Variants in ZNF790 observed in about 807,000 individuals in gnomAD.
ZNF790 encodes zinc finger protein 790.
In ZNF790, 8 loss-of-function variants were observed where a neutral mutation model predicts 12.1. That is an observed-to-expected ratio of 0.66 (90% confidence interval 0.39 to 1.19). ZNF790 has a LOEUF of 1.19. ZNF790 is among the 50% of genes most tolerant of loss of function. The probability of loss-of-function intolerance (pLI) is 0.01; values close to 1 mark genes in which losing one functional copy is unlikely to be tolerated. For missense variants in ZNF790, 707 were observed against 752.2 expected (o/e 0.94, Z 0.70); for synonymous variants, 252 against 244.3 (o/e 1.03, Z -0.29).
chr19:36,842,506 TAA>T (rs1160034344), upstream of ZNF790, among the ~76,000 whole-genome samples: 1 of 152,208 alleles, frequency 6.6e-6, no homozygotes, highest in Middle Eastern at 3.4e-3. Flanking sequence ...ATGGAAATAA[TAA>T]GTTTTAAATA....
chr19:36,843,955 C>T (rs990968622), intron 1 of ZNF790, among the ~76,000 whole-genome samples: 7 of 147,392 alleles, frequency 4.7e-5, no homozygotes, highest in African/African-American at 1.0e-4. Flanking sequence ...TGCAGTGAGC[C>T]GAGATTGCAC....
intron 1 of ZNF790, among the ~76,000 whole-genome samples, chr19:36,845,145 C>T (rs1210875940): frequency 6.7e-6 from 1 of 150,270 alleles, no homozygotes; most frequent in African/African-American, 2.5e-5. Flanking sequence ...AGGCCAGGCA[C>T]AGTGGCTAAT....
At chr19:36,835,014 A>G (rs912776785) in intron 1 of ZNF790, among the ~76,000 whole-genome samples, 1 of 152,244 alleles carries the variant, frequency 6.6e-6, no homozygotes, top group Non-Finnish European at 1.5e-5. Context: ...TTGGCTGTGC[A>G]CGGTGGCTCA....
At chr19:36,847,158 A>C (rs2072187656) in intron 1 of ZNF790, among the ~76,000 whole-genome samples, 1 of 152,132 alleles carries the variant, frequency 6.6e-6, no homozygotes, top group African/African-American at 2.4e-5. Context: ...GTTCAAGACC[A>C]GCCTGGCCAA....
upstream of ZNF790, among the ~76,000 whole-genome samples, chr19:36,841,751 G>A (rs1426129522): frequency 6.7e-6 from 1 of 149,812 alleles, no homozygotes; most frequent in African/African-American, 2.5e-5. Flanking sequence ...GATGTGGTAA[G>A]GCAGGGAGAA....
upstream of ZNF790, among the ~76,000 whole-genome samples, chr19:36,839,962 C>T: frequency 6.6e-6 from 1 of 152,028 alleles, no homozygotes; most frequent in East Asian, 1.9e-4. Flanking sequence ...ACTCTGGAGG[C>T]TGAGGCAGGA....
chr19:36,825,474 C>G, intron 2 of ZNF790, 137 bp downstream of exon 2: 1 of 938,708 alleles, frequency 1.1e-6, no homozygotes, highest in Non-Finnish European at 1.7e-6. Context: ...CTAGGGAAAG[C>G]ATTGGACTGT....
intron 1 of ZNF790, among the ~76,000 whole-genome samples, chr19:36,832,768 CTA>C (rs1259281307): frequency 1.3e-5 from 2 of 151,924 alleles, no homozygotes; most frequent in Non-Finnish European, 1.5e-5. Flanking sequence ...CAATAGATAA[CTA>C]ATATAGAAAT....
At chr19:36,823,555 C>T in intron 3 of ZNF790, 112 bp downstream of exon 3, 1 of 1,433,702 alleles carries the variant, frequency 7.0e-7, no homozygotes, top group Non-Finnish European at 9.6e-7. Context: ...TTACAAAGCG[C>T]AAACCATTTT....
Position 36,820,055 on chromosome 19 carries a change from C to T in ZNF790, c.289G>A (p.Glu97Lys). ...LLPKNGIFER[E>K]IAQLEIMRIC... ...CTCATTATTTCCAATTGGGCTATTT[C>T]TCTCTCAAAAATGCCATTTTTTGGT... The change falls in exon 5 of 5, where the codon GAA becomes AAA. Residue 97 changes from glutamate to lysine, a missense_variant. Glu to Lys is a moderately conservative substitution (Grantham distance 56). Coordinates refer to ENST00000356725, the MANE Select transcript of ZNF790 (RefSeq NM_206894.4). 1 of 1,611,666 alleles carries T rather than the reference C, an allele frequency of 6.2e-7. No homozygotes were observed. The highest frequency in any genetic ancestry group is 8.5e-7 in the Non-Finnish European group (1 of 1,179,952).
chr19:36,845,990 TC>T, intron 1 of ZNF790, among the ~76,000 whole-genome samples: 1 of 152,058 alleles, frequency 6.6e-6, no homozygotes, highest in African/African-American at 2.4e-5. Context: ...TGTATTTTTA[TC>T]AGAGACGGCG....
In ZNF790 at chr19:36,817,717, AT is replaced by A. The variant is rs1471126023; in HGVS notation, c.*715del. The A allele has an allele frequency of 2.6e-5, 4 of 152,030 alleles. No homozygotes were observed. The highest frequency in any genetic ancestry group is 9.7e-5 in the African/African-American group (4 of 41,426). 9.4% of individuals were successfully genotyped at this position (152,030 alleles called of 1,614,324 possible). On this transcript the variant is annotated 3_prime_UTR_variant, in exon 5 of 5. Coordinates refer to ENST00000356725, the MANE Select transcript of ZNF790 (RefSeq NM_206894.4). The stretch of plus-strand genomic sequence containing the variant: ...AAACAAGACATGCCAAATAAATTGT[AT>A]GACATAGTTCAAGGCTTTTCTAGAT...
rs779735213 is a variant in ZNF790 at position 36,823,992 on chromosome 19, C to CTTT, written c.10-205_10-203dup. 1.5e-4 allele frequency among the ~76,000 whole-genome samples: 16 copies of CTTT among 104,382 alleles called. 2 individuals carry two copies. Among genetic ancestry groups the CTTT allele is most frequent in the African/African-American group, 2.5e-4 (6 of 23,562 alleles). 68.5% of individuals were successfully genotyped at this position (104,382 alleles called of 152,430 possible). On this transcript the variant is annotated intron_variant, in intron 2 of 4. Coordinates refer to ENST00000356725, the MANE Select transcript of ZNF790 (RefSeq NM_206894.4). ...GACAAAAGCCAAGTGTCTACATGCT[C>CTTT]TTTTTTTTTTTTTTTTTTTTTGAGA... is the stretch of plus-strand genomic sequence containing the variant.
At chr19:36,831,368 G>T (rs1466312975) in intron 1 of ZNF790, among the ~76,000 whole-genome samples, 1 of 152,100 alleles carries the variant, frequency 6.6e-6, no homozygotes, top group Non-Finnish European at 1.5e-5. Flanking sequence ...GACCATAGAT[G>T]GGAGTTAGTG....
At chr19:36,835,016 G>A (rs953176242) in intron 1 of ZNF790, among the ~76,000 whole-genome samples, 1 of 152,180 alleles carries the variant, frequency 6.6e-6, no homozygotes, top group African/African-American at 2.4e-5. Context: ...GGCTGTGCAC[G>A]GTGGCTCACA....
intron 1 of ZNF790, among the ~76,000 whole-genome samples, chr19:36,845,498 A>G (rs561018263): frequency 6.6e-6 from 1 of 152,306 alleles, no homozygotes; most frequent in Non-Finnish European, 1.5e-5. Context: ...ACAAAGTAAT[A>G]TACTGCCCTC....
intron 1 of ZNF790, among the ~76,000 whole-genome samples, chr19:36,849,102 T>C (rs2072213303): frequency 6.6e-6 from 1 of 151,970 alleles, no homozygotes; most frequent in Non-Finnish European, 1.5e-5. Context: ...CTTGGTTTTT[T>C]TGTTTTGTTT....
rs778603785 is a variant in ZNF790, at chr19:36,819,164, A to G, written c.1180T>C (p.Tyr394His). 1.1e-5 allele frequency: 18 copies of G among 1,613,748 alleles called. No individual in the cohort carries two copies. Among genetic ancestry groups the G allele is most frequent in the Admixed American group, 1.7e-5 (1 of 59,916 alleles). The change falls in exon 5 of 5, where the codon TAT (tyrosine) becomes CAT (histidine). Residue 394 changes from tyrosine (Y) to histidine (H), a missense_variant. Coordinates refer to ENST00000356725, the MANE Select transcript of ZNF790 (RefSeq NM_206894.4). ...HQNVHVGRKP[Y>H]KCEKCGKAYI... Reference sequence around the variant, plus strand: ...GCTTTCCCACATTTCTCACATTTATAAGGTTTCCTACCAACATGAACATTC... The same window carrying G: ...GCTTTCCCACATTTCTCACATTTATGAGGTTTCCTACCAACATGAACATTC...
intron 1 of ZNF790, among the ~76,000 whole-genome samples, chr19:36,846,279 C>G (rs1458928643): frequency 1.3e-5 from 2 of 152,138 alleles, no homozygotes; most frequent in Non-Finnish European, 2.9e-5. Flanking sequence ...CTCAATGAGG[C>G]CAGGCGCAGT....
Sources: allele counts gnomAD v4.1 joint callset (sites outside exome capture counted in the v4.1 genomes callset), GRCh38; gene constraint gnomAD v4.1.1; transcripts MANE v1.5; gene names NCBI Gene and HGNC (gene_info 2026-07-23, HGNC 2026-07-21).